Variants in GRID2 observed in about 807,000 individuals in gnomAD.
The protein encoded by GRID2 is glutamate receptor ionotropic, delta-2.
In GRID2, 33 loss-of-function variants were observed where a neutral mutation model predicts 114.8. The ratio of observed to expected loss-of-function variants is 0.29; its 90% CI spans 0.22 to 0.38. The LOEUF is 0.38. Among genes scored for constraint, GRID2 ranks in the 10% least tolerant of loss-of-function variants. GRID2 has a pLI of 1.00. For synonymous variants in GRID2, 505 were observed against 449.9 expected (o/e 1.12, Z -1.55); for missense variants, 1,184 against 1,257.7 (o/e 0.94, Z 0.89).
intron 13 of GRID2, among the ~76,000 whole-genome samples, chr4:93,521,360 T>G (rs1730320434): frequency 6.6e-6 from 1 of 152,052 alleles, no homozygotes; most frequent in South Asian, 2.1e-4. Context: ...ATTTAATATT[T>G]AGAGGAGGCA....
chr4:92,394,451 T>G (rs904966163), intron 1 of GRID2, among the ~76,000 whole-genome samples: 1 of 152,026 alleles, frequency 6.6e-6, no homozygotes, highest in African/African-American at 2.4e-5. Flanking sequence ...AAACTTTTTT[T>G]CACAGAAGCT....
intron 1 of GRID2, among the ~76,000 whole-genome samples, chr4:92,551,990 A>G (rs933250975): frequency 1.3e-5 from 2 of 152,094 alleles, no homozygotes. Flanking sequence ...TAGTAATAAG[A>G]ACACTAAGGG....
In GRID2 at chr4:93,772,675, CT is replaced by C. The variant is rs1410546244; in HGVS notation, c.*180del. 3.6e-6 allele frequency: 2 copies of C among 548,074 alleles called. No homozygotes were observed. The highest frequency in any genetic ancestry group is 1.9e-5 in the African/African-American group (1 of 52,762). 34.0% of individuals were successfully genotyped at this position (548,074 alleles called of 1,614,324 possible). A position where few individuals can be genotyped will look rare whatever the true frequency, so the allele number is the denominator to read the frequency against. Reference sequence around the variant, plus strand: ...TCCTCTCTCCTCTATGATTTTCTCTCTTTCCCCCTCCCTTCCTGTACATTTT... The same window carrying C: ...TCCTCTCTCCTCTATGATTTTCTCTCTTCCCCCTCCCTTCCTGTACATTTT... On this transcript the variant is annotated 3_prime_UTR_variant, in exon 16 of 16. Coordinates refer to ENST00000282020, the MANE Select transcript of GRID2 (RefSeq NM_001510.4).
chr4:93,343,867 A>C (rs1301434785), intron 8 of GRID2, among the ~76,000 whole-genome samples: 3 of 152,140 alleles, frequency 2.0e-5, no homozygotes, highest in Non-Finnish European at 4.4e-5. Context: ...ATTAGAAATT[A>C]GTGCAGTCTA....
At chr4:92,647,769 C>T (rs1440272719) in intron 2 of GRID2, among the ~76,000 whole-genome samples, 1 of 149,514 alleles carries the variant, frequency 6.7e-6, no homozygotes, top group East Asian at 1.9e-4. Flanking sequence ...ATTCCATATA[C>T]AAGTTTGGAA....
intron 1 of GRID2, among the ~76,000 whole-genome samples, chr4:92,581,167 A>AT (rs1728166528): frequency 6.7e-6 from 1 of 149,394 alleles, no homozygotes; most frequent in South Asian, 2.1e-4. Context: ...AAATCCAGAT[A>AT]TTTGAGCTTT....
intron 13 of GRID2, among the ~76,000 whole-genome samples, chr4:93,566,519 C>G (rs1168649670): frequency 6.6e-6 from 1 of 152,080 alleles, no homozygotes; most frequent in African/African-American, 2.4e-5. Flanking sequence ...CCTGTAATCC[C>G]AACACTTTGC....
intron 11 of GRID2, among the ~76,000 whole-genome samples, chr4:93,458,633 A>C (rs1241516431): frequency 6.6e-6 from 1 of 152,170 alleles, no homozygotes; most frequent in African/African-American, 2.4e-5. Flanking sequence ...GGTTTTTATG[A>C]GAATTTATTA....
intron 2 of GRID2, among the ~76,000 whole-genome samples, chr4:92,703,636 T>C (rs1371034218): frequency 6.8e-6 from 1 of 148,094 alleles, no homozygotes; most frequent in Admixed American, 6.7e-5. Flanking sequence ...TATATATATA[T>C]ATATATATAA....
intron 7 of GRID2, among the ~76,000 whole-genome samples, chr4:93,228,736 T>C (rs1457299289): frequency 6.6e-6 from 1 of 152,144 alleles, no homozygotes; most frequent in East Asian, 1.9e-4. Flanking sequence ...CCTGCCAATT[T>C]ATTAATTCAT....
At chr4:92,868,065 T>TG (rs1386373938) in intron 2 of GRID2, among the ~76,000 whole-genome samples, 375 of 134,472 alleles carry the variant, frequency 2.8e-3, no homozygotes, top group Non-Finnish European at 4.2e-3. Context: ...TCTTTCTTTC[T>TG]TTCTGTCTGT....
At chr4:92,962,395 A>G in intron 2 of GRID2, among the ~76,000 whole-genome samples, 1 of 151,758 alleles carries the variant, frequency 6.6e-6, no homozygotes, top group East Asian at 2.0e-4. Flanking sequence ...AACCTTCACA[A>G]GTGCTTCTCT....
At chr4:92,464,865 G>T (rs1304600068) in intron 1 of GRID2, among the ~76,000 whole-genome samples, 1 of 152,108 alleles carries the variant, frequency 6.6e-6, no homozygotes, top group African/African-American at 2.4e-5. Context: ...CCCGATGTTA[G>T]GGGAAGGACC....
chr4:92,887,981 T>C (rs547709020), intron 2 of GRID2, among the ~76,000 whole-genome samples: 4 of 152,294 alleles, frequency 2.6e-5, no homozygotes, highest in African/African-American at 9.6e-5. Context: ...ACACAAAGAA[T>C]AATGCAGAGT....
chr4:93,566,357 C>T (rs1735417261), intron 13 of GRID2, among the ~76,000 whole-genome samples: 1 of 152,060 alleles, frequency 6.6e-6, no homozygotes, highest in African/African-American at 2.4e-5. Flanking sequence ...GTTGCCAAGA[C>T]TAGGAGCTGG....
At chr4:93,499,128 C>T (rs1456327864) in intron 12 of GRID2, among the ~76,000 whole-genome samples, 2 of 151,508 alleles carry the variant, frequency 1.3e-5, no homozygotes, top group Non-Finnish European at 2.9e-5. Context: ...AACTATATTC[C>T]CCGCTTCTAT....
At position 92,522,235 on chromosome 4, in the gene GRID2, T is replaced by C. The variant is rs981297888; in HGVS notation, c.89-67896T>C. On this transcript the variant is annotated intron_variant, in intron 1 of 15. Coordinates refer to ENST00000282020, the MANE Select transcript of GRID2 (RefSeq NM_001510.4). ...CAGGAAAGAGATAGAACACATATTC[T>C]AAGGTTAAATTGTGCCTTGCAATGT... is the stretch of plus-strand genomic sequence containing the variant. Among the ~76,000 whole-genome samples, 37 of 151,860 alleles carry C rather than the reference T, an allele frequency of 2.4e-4. 1 individual carries two copies.
At chr4:92,666,655 T>TTG in intron 2 of GRID2, among the ~76,000 whole-genome samples, 2 of 143,070 alleles carry the variant, frequency 1.4e-5, no homozygotes, top group African/African-American at 5.1e-5. Context: ...GGGTTGTTTT[T>TTG]TTTTTTTTTT....
At chr4:92,713,210 G>C (rs1735346777) in intron 2 of GRID2, among the ~76,000 whole-genome samples, 1 of 149,450 alleles carries the variant, frequency 6.7e-6, no homozygotes, top group Non-Finnish European at 1.5e-5. Flanking sequence ...ACAATGACTT[G>C]ACTTTTTCTA....
Sources: gnomAD v4.1 joint callset for allele counts (sites outside exome capture counted in the v4.1 genomes callset) on GRCh38, gnomAD v4.1.1 for gene constraint, MANE v1.5 for transcripts, NCBI Gene and HGNC (gene_info 2026-07-23, HGNC 2026-07-21) for gene names.